SKOR2: variants seen among roughly 807,000 people sequenced by gnomAD.
SKOR2 encodes the protein LBX1 corepressor 1-like protein.
Under a neutral mutation model 69.1 loss-of-function variants are expected in SKOR2, and 47 were observed. The observed-to-expected ratio is 0.68, with a 90% CI of 0.54 to 0.87. SKOR2 has a LOEUF of 0.87. SKOR2 is among the 40% of genes least tolerant of loss of function. SKOR2 has a pLI of 0.00. For synonymous variants in SKOR2, 717 were observed against 672.6 expected, an observed-to-expected ratio of 1.07 and a Z score of -1.02; for missense variants, 1,404 against 1,472.2, an observed-to-expected ratio of 0.95 and a Z score of 0.76.
At chr18:47,241,640 A>C (rs1439931624) in intron 4 of SKOR2, among the ~76,000 whole-genome samples, 1 of 59,776 alleles carries the variant, frequency 1.7e-5, no homozygotes, top group Non-Finnish European at 4.6e-5. Context: ...CAAACAAACA[A>C]AAAAAAAACC....
intron 4 of SKOR2, among the ~76,000 whole-genome samples, chr18:47,236,104 C>T (rs2064222354): frequency 1.3e-5 from 2 of 152,200 alleles, no homozygotes; most frequent in Non-Finnish European, 1.5e-5. Context: ...CTCACCTCAG[C>T]CTCCCAGGTA....
intron 6 of SKOR2, among the ~76,000 whole-genome samples, chr18:47,229,792 C>A (rs1205313682): frequency 1.3e-5 from 2 of 152,154 alleles, no homozygotes; most frequent in African/African-American, 4.8e-5. Context: ...CAGACCAGGG[C>A]AGGTGAATTT....
intron 7 of SKOR2, among the ~76,000 whole-genome samples, chr18:47,215,070 C>T (rs965630586): frequency 2.0e-5 from 3 of 151,752 alleles, no homozygotes; most frequent in African/African-American, 7.3e-5. Context: ...GTCAACATCT[C>T]AAAAAGAGAA....
At chr18:47,237,706 T>C (rs1434482123) in intron 4 of SKOR2, among the ~76,000 whole-genome samples, 3 of 151,482 alleles carry the variant, frequency 2.0e-5, no homozygotes, top group East Asian at 1.9e-4. Flanking sequence ...TTTCTTTTTT[T>C]TTTTTTTTTG....
chr18:47,231,264 AC>A, intron 4 of SKOR2: 1 of 1,173,282 alleles, frequency 8.5e-7, no homozygotes, highest in Non-Finnish European at 1.2e-6. Flanking sequence ...TCCCTCTCCA[AC>A]CCCCTACCGC....
chr18:47,237,845 G>A (rs901198354), intron 4 of SKOR2, among the ~76,000 whole-genome samples: 1 of 151,742 alleles, frequency 6.6e-6, no homozygotes, highest in African/African-American at 2.4e-5. Flanking sequence ...ACTATGCCAG[G>A]CTAATTTTTA....
chr18:47,227,164 T>A (rs1226793349), intron 6 of SKOR2, among the ~76,000 whole-genome samples: 1 of 151,786 alleles, frequency 6.6e-6, no homozygotes, highest in Non-Finnish European at 1.5e-5. Context: ...TCCTTCTTCC[T>A]CCTTTCCTGC....
chr18:47,210,516 C>T (rs1958731332), intron 8 of SKOR2, among the ~76,000 whole-genome samples: 1 of 152,072 alleles, frequency 6.6e-6, no homozygotes, highest in Admixed American at 6.6e-5. Context: ...AACCATTATA[C>T]ATATGGAGTT....
intron 7 of SKOR2, among the ~76,000 whole-genome samples, chr18:47,218,823 C>A (rs1600027036): frequency 6.6e-6 from 1 of 152,228 alleles, no homozygotes; most frequent in Admixed American, 6.5e-5. Flanking sequence ...CAAGTGAATT[C>A]AGGTGCAAAC....
rs2064156386 is a variant in SKOR2, at chr18:47,220,025, A to G, written c.2918-15T>C. 6.6e-7 allele frequency: 1 copy of G among 1,526,500 alleles called. No homozygotes were observed. Among genetic ancestry groups the G allele is most frequent in the Non-Finnish European group, 8.8e-7 (1 of 1,140,142 alleles). 94.6% of individuals were successfully genotyped at this position (1,526,500 alleles called of 1,614,324 possible). ...CTGAAAATTATCTGGTAGGAGAGAG[A>G]GATAGAGAAAGATTAACTAAAGTGT... is the stretch of plus-strand genomic sequence containing the variant. On this transcript the variant is annotated splice_polypyrimidine_tract_variant and intron_variant, in intron 6 of 8. Transcript: ENST00000425639.
Position 47,247,259 on chromosome 18 carries a change from G to A in SKOR2, c.1925C>T (p.Ala642Val). The A allele has an allele frequency of 2.7e-6, 4 of 1,476,494 alleles. No individual in the cohort carries two copies. The highest frequency in any genetic ancestry group is 2.3e-5 in the Admixed American group (1 of 43,518). The allele number at this position is 1,476,494 out of a possible 1,614,324, so 91.5% of individuals were successfully genotyped here. Residue 642 changes from alanine to valine, a missense_variant, in exon 2 of 9, where the codon GCG becomes GTG. Coordinates refer to ENST00000425639, the MANE Select transcript of SKOR2 (RefSeq NM_001278063.4). This position sits in a 1 kb window ranked among gnomAD's most constrained non-coding sequence, Gnocchi z 6.6. The stretch of plus-strand genomic sequence containing the variant: ...GGCCGAGTGGGGCGCGCCCGCCGAC[G>A]CCCCGTGCAGCTTGGCCAGGCTCTC... ...DAESLAKLHG[A>V]SAGAPHSAQT...
intron 8 of SKOR2, among the ~76,000 whole-genome samples, chr18:47,207,158 A>T (rs774622699): frequency 4.6e-5 from 7 of 152,144 alleles, no homozygotes; most frequent in Non-Finnish European, 8.8e-5. Context: ...AGCAGCCTGC[A>T]GTGAAAGGGG....
Position 47,248,172 on chromosome 18 carries a change from C to G in SKOR2, c.1012G>C (p.Val338Leu). Reference protein sequence around the residue: ...SLSAAAASLSVAAASGGAGTG... With the variant: ...SLSAAAASLSLAAASGGAGTG... ...CCCGCGCCGCCCGAAGCAGCAGCCA[C>G]AGAGAGGCTGGCGGCTGCGGCCGAG... The change falls in exon 2 of 9, where the codon GTG becomes CTG. Residue 338 changes from valine (V) to leucine (L), a missense_variant. Transcript: ENST00000425639. The surrounding 1 kb of genome is among the most constrained non-coding windows in gnomAD (Gnocchi z 6.4). 8.1e-7 allele frequency: 1 copy of G among 1,240,296 alleles called. No homozygotes were observed. Among genetic ancestry groups the G allele is most frequent in the Non-Finnish European group, 1.0e-6 (1 of 995,928 alleles). 76.8% of individuals were successfully genotyped at this position (1,240,296 alleles called of 1,614,324 possible).
chr18:47,223,477 A>C (rs2064168121), intron 6 of SKOR2, among the ~76,000 whole-genome samples: 1 of 152,210 alleles, frequency 6.6e-6, no homozygotes, highest in Non-Finnish European at 1.5e-5. Context: ...ACCCTTTAAC[A>C]CAACAACACT....
intron 8 of SKOR2, among the ~76,000 whole-genome samples, chr18:47,207,283 G>A (rs1452845251): frequency 6.6e-6 from 1 of 152,134 alleles, no homozygotes; most frequent in Non-Finnish European, 1.5e-5. Context: ...TGGAGGTTTT[G>A]TGATTCAAAA....
intron 4 of SKOR2, among the ~76,000 whole-genome samples, chr18:47,237,880 G>A (rs933978460): frequency 2.6e-5 from 4 of 151,952 alleles, no homozygotes; most frequent in Non-Finnish European, 5.9e-5. Flanking sequence ...GTCTACCTAT[G>A]TTGCCCAGTC....
At chr18:47,215,777 C>T (rs1254115390) in intron 7 of SKOR2, among the ~76,000 whole-genome samples, 1 of 152,138 alleles carries the variant, frequency 6.6e-6, no homozygotes, top group Non-Finnish European at 1.5e-5. Flanking sequence ...ATCAACACGC[C>T]TTGTGGTAGT....
At chr18:47,233,789 A>G (rs2064209151) in intron 4 of SKOR2, among the ~76,000 whole-genome samples, 1 of 152,250 alleles carries the variant, frequency 6.6e-6, no homozygotes, top group African/African-American at 2.4e-5. Flanking sequence ...AAATTAAAAT[A>G]TGATATGTAA....
intron 7 of SKOR2, among the ~76,000 whole-genome samples, chr18:47,215,564 T>A (rs754066349): frequency 3.9e-5 from 6 of 152,170 alleles, no homozygotes; most frequent in Non-Finnish European, 8.8e-5. Context: ...GACGATGCAC[T>A]GCACTCCCAT....
Sources: allele counts gnomAD v4.1 joint callset (sites outside exome capture counted in the v4.1 genomes callset), GRCh38; gene constraint gnomAD v4.1.1; non-coding constraint Gnocchi (gnomAD v3.1); transcripts MANE v1.5; gene names NCBI Gene and HGNC (gene_info 2026-07-23, HGNC 2026-07-21).